SGSM1: variants seen among roughly 807,000 people sequenced by gnomAD.
SGSM1 encodes the protein RUN and TBC1 domain containing 2.
SGSM1 carries 73 observed loss-of-function variants against 133.8 expected under a neutral mutation model. The ratio of observed to expected loss-of-function variants is 0.55; its 90% CI spans 0.45 to 0.66. The LOEUF is 0.66. SGSM1 is among the 30% of genes least tolerant of loss of function. The pLI is 0.00. For synonymous variants in SGSM1, 563 were observed against 573.0 expected (o/e 0.98, Z 0.25); for missense variants, 1,213 against 1,448.1 (o/e 0.84, Z 2.64).
rs989005391 is a variant in SGSM1 at position 24,926,920 on chromosome 22, C to T, written c.*2646C>T. The T allele has an allele frequency of 2.0e-5, 3 of 151,702 alleles. No homozygotes were observed. Among genetic ancestry groups the T allele is most frequent in the African/African-American group, 7.3e-5 (3 of 41,258 alleles). The allele number at this position is 151,702 out of a possible 1,614,324, so 9.4% of individuals were successfully genotyped here. A position where few individuals can be genotyped will look rare whatever the true frequency, so the allele number is the denominator to read the frequency against. On this transcript the variant is annotated 3_prime_UTR_variant, in exon 25 of 25. Coordinates refer to ENST00000400358, the MANE Select transcript of SGSM1 (RefSeq NM_001098497.3). ...TGCTTCTGAGGACTGTGTCCTCCCA[C>T]TCACACCCCAGTGACCCTATATGGG...
chr22:24,872,326 A>G (rs1334804885), intron 12 of SGSM1, among the ~76,000 whole-genome samples: 1 of 152,130 alleles, frequency 6.6e-6, no homozygotes, highest in African/African-American at 2.4e-5. Context: ...ACAGGTTCAC[A>G]TCAGATAAGG....
chr22:24,898,684 C>A (rs1774372045), intron 19 of SGSM1, 125 bp downstream of exon 19: 1 of 936,304 alleles, frequency 1.1e-6, no homozygotes, highest in Non-Finnish European at 1.6e-6. Context: ...TTTTTTCCGT[C>A]ATGGAGGATT....
intron 2 of SGSM1, among the ~76,000 whole-genome samples, chr22:24,832,091 C>T (rs1339942704): frequency 6.6e-6 from 1 of 152,220 alleles, no homozygotes; most frequent in Non-Finnish European, 1.5e-5. Flanking sequence ...CTCAGCTGTC[C>T]AACACAGTCC....
chr22:24,812,306 A>G lies in SGSM1; in HGVS notation c.63+5822A>G, dbSNP rs530011025. 2.5e-3 allele frequency among the ~76,000 whole-genome samples: 377 copies of G among 152,278 alleles called. 3 individuals are homozygous for G. Among genetic ancestry groups the G allele is most frequent in the African/African-American group, 8.3e-3 (346 of 41,562 alleles). On this transcript the variant is annotated intron_variant, in intron 2 of 24. Transcript: ENST00000400358. ...GCATTATCCCCTTCACTCCTCATAA[A>G]AGCCCTAAGGGAGAGAACCATCATC...
Position 24,854,971 on chromosome 22 carries a change from C to A in SGSM1, c.456-25C>A, listed in dbSNP as rs1204723456. 3 of 1,603,850 alleles carry A rather than the reference C, an allele frequency of 1.9e-6. No homozygotes were observed. The South Asian group carries it at 3.3e-5, about 18-fold the overall frequency. On this transcript the variant is annotated intron_variant, in intron 5 of 24. Coordinates refer to ENST00000400358, the MANE Select transcript of SGSM1 (RefSeq NM_001098497.3). ...CGTCCTCTGCTGGTCTCCATCCAAA[C>A]CTGCATATTCTCTCCTCTTGCTAGT... is the stretch of plus-strand genomic sequence containing the variant.
At chr22:24,877,050 CTTGAAT>C (rs1932062345) in intron 13 of SGSM1, among the ~76,000 whole-genome samples, 1 of 152,174 alleles carries the variant, frequency 6.6e-6, no homozygotes, top group Non-Finnish European at 1.5e-5. Flanking sequence ...CAGCTACCAT[CTTGAAT>C]GTTGCCAGTT....
rs771120349 is a variant in SGSM1 at position 24,855,637 on chromosome 22, G to A, written c.758G>A (p.Arg253His). 23 of 1,613,916 alleles carry A rather than the reference G, an allele frequency of 1.4e-5. No individual in the cohort carries two copies. The East Asian group carries it at 1.8e-4, about 13-fold the overall frequency. The change falls in exon 8 of 25, where the codon CGT becomes CAT. Residue 253 changes from arginine (R) to histidine (H), a missense_variant. By Grantham distance (29) the Arg-to-His change is conservative. Transcript: ENST00000400358. ...DYVESLHQNS[R>H]ATLLYGKNNV... ...GTGGAGTCCCTGCATCAGAACTCCC[G>A]TGCCACCCTTCTCTATGGCAAAAAC... is the stretch of plus-strand genomic sequence containing the variant.
chr22:24,812,728 A>C (rs544010812), intron 2 of SGSM1, among the ~76,000 whole-genome samples: 1 of 152,156 alleles, frequency 6.6e-6, no homozygotes, highest in South Asian at 2.1e-4. Flanking sequence ...AGGGACCAGG[A>C]TAGACAGTTT....
intron 2 of SGSM1, among the ~76,000 whole-genome samples, chr22:24,807,670 C>A (rs6004289): frequency 1.8e-4 from 27 of 152,218 alleles, no homozygotes; most frequent in African/African-American, 2.9e-4. Flanking sequence ...CAGCAGACAT[C>A]GTGGGCTGGC....
chr22:24,873,224 A>G (rs559139484), intron 12 of SGSM1, among the ~76,000 whole-genome samples: 2 of 152,074 alleles, frequency 1.3e-5, no homozygotes, highest in South Asian at 4.2e-4. Flanking sequence ...CAGGCTCCCA[A>G]AGTCCTGGGA....
At chr22:24,850,957 C>T (rs767511178) in intron 5 of SGSM1, among the ~76,000 whole-genome samples, 7 of 151,918 alleles carry the variant, frequency 4.6e-5, no homozygotes, top group South Asian at 2.1e-4. Context: ...CAAAATTAGC[C>T]GGGCGTGGTG....
At chr22:24,849,430 G>A (rs1930328897) in intron 4 of SGSM1, among the ~76,000 whole-genome samples, 2 of 152,164 alleles carry the variant, frequency 1.3e-5, no homozygotes. Flanking sequence ...GTGCATGCCT[G>A]TAATCCCAGC....
At position 24,861,309 on chromosome 22, in the gene SGSM1, G is replaced by A. The variant is rs930799271; in HGVS notation, c.926+1469G>A. 2.8e-5 allele frequency among the ~76,000 whole-genome samples: 4 copies of A among 140,970 alleles called. No individual in the cohort carries two copies. In the South Asian group the frequency reaches 9.3e-4, roughly 33 times the overall value. 92.5% of individuals were successfully genotyped at this position (140,970 alleles called of 152,430 possible). A position where few individuals can be genotyped will look rare whatever the true frequency, so the allele number is the denominator to read the frequency against. ...AGAGGTTGCAGTGAGCCGAGATCGC[G>A]CCACTGCACTCCAGCCTGGATGACA... On this transcript the variant is annotated intron_variant, in intron 9 of 24. Coordinates refer to ENST00000400358, the MANE Select transcript of SGSM1 (RefSeq NM_001098497.3).
intron 19 of SGSM1, among the ~76,000 whole-genome samples, chr22:24,900,347 C>CTT (rs1933091552): frequency 6.9e-5 from 3 of 43,518 alleles, no homozygotes; most frequent in Admixed American, 7.6e-4. Flanking sequence ...CCTCTTCTTT[C>CTT]TTTCTTTCTT....
chr22:24,847,496 C>G, intron 3 of SGSM1, 138 bp from the exon 4 acceptor site: 3 of 1,113,840 alleles, frequency 2.7e-6, no homozygotes, highest in Non-Finnish European at 3.7e-6. Context: ...TGTGAGCTCC[C>G]TGTCTCTGGG....
intron 2 of SGSM1, among the ~76,000 whole-genome samples, chr22:24,823,676 T>TA (rs112778411): frequency 0.025 from 3,795 of 152,126 alleles, 133 homozygotes; most frequent in African/African-American, 0.079. Context: ...CTCATGCCTG[T>TA]AATCCCAGCA....
intron 12 of SGSM1, among the ~76,000 whole-genome samples, chr22:24,870,020 A>T (rs904111126): frequency 6.6e-6 from 1 of 152,208 alleles, no homozygotes. Flanking sequence ...TCATGTTCCC[A>T]TCCGAGGATA....
chr22:24,868,642 T>C, intron 11 of SGSM1, 81 bp from the exon 12 acceptor site: 2 of 1,609,316 alleles, frequency 1.2e-6, no homozygotes, highest in Non-Finnish European at 1.7e-6. Context: ...CCTCATGCGC[T>C]CTCCACTGAT....
intron 14 of SGSM1, among the ~76,000 whole-genome samples, chr22:24,880,989 G>A (rs866435093): frequency 6.6e-6 from 1 of 151,834 alleles, no homozygotes; most frequent in Non-Finnish European, 1.5e-5. Context: ...TCAGGAGTTC[G>A]AGACCAGCCT....
Sources: gnomAD v4.1 joint callset for allele counts (sites outside exome capture counted in the v4.1 genomes callset) on GRCh38, gnomAD v4.1.1 for gene constraint, MANE v1.5 for transcripts, NCBI Gene and HGNC (gene_info 2026-07-23, HGNC 2026-07-21) for gene names.